PCYT1A: variants seen among roughly 807,000 people sequenced by gnomAD.
PCYT1A encodes the protein choline-phosphate cytidylyltransferase A.
PCYT1A carries 25 observed loss-of-function variants against 43.7 expected under a neutral mutation model. The ratio of observed to expected loss-of-function variants is 0.57; its 90% CI spans 0.42 to 0.80. PCYT1A has a LOEUF of 0.80. PCYT1A is among the 30% of genes least tolerant of loss of function. The probability of loss-of-function intolerance (pLI) is 0.00; values close to 1 mark genes in which losing one functional copy is unlikely to be tolerated. For missense variants in PCYT1A, 421 were observed against 474.2 expected, an observed-to-expected ratio of 0.89 and a Z score of 1.04; for synonymous variants, 172 against 170.7, an observed-to-expected ratio of 1.01 and a Z score of -0.06.
chr3:196,282,806 T>C lies in PCYT1A; in HGVS notation c.-11+4809A>G, dbSNP rs1560180244. Among the ~76,000 whole-genome samples the C allele has an allele frequency of 3.3e-5, 5 of 152,160 alleles. No homozygotes were observed. On this transcript the variant is annotated intron_variant, in intron 1 of 8. Transcript: ENST00000431016. The surrounding 1 kb of genome is among the most constrained non-coding windows in gnomAD (Gnocchi z 4.3). The stretch of plus-strand genomic sequence containing the variant: ...CACATTTAGGGTAATTTTCTGTATA[T>C]AAAAAAACTACCTGTTTTTTATTAA...
At chr3:196,272,263 C>T (rs137930880) in intron 1 of PCYT1A, among the ~76,000 whole-genome samples, 22 of 152,008 alleles carry the variant, frequency 1.4e-4, no homozygotes, top group African/African-American at 4.8e-4. Context: ...CGGCTCACTA[C>T]AACCTCCGCC....
chr3:196,254,334 T>C (rs1724891698), intron 3 of PCYT1A, among the ~76,000 whole-genome samples: 1 of 149,836 alleles, frequency 6.7e-6, no homozygotes, highest in African/African-American at 2.4e-5. Flanking sequence ...CCTATATATA[T>C]ATTTTTTTAA....
At chr3:196,271,167 G>T (rs1185581802) in intron 1 of PCYT1A, among the ~76,000 whole-genome samples, 1 of 151,128 alleles carries the variant, frequency 6.6e-6, no homozygotes, top group Non-Finnish European at 1.5e-5. Context: ...TGGGACTACA[G>T]GCACATGCCA....
At chr3:196,272,909 G>T (rs961277399) in intron 1 of PCYT1A, among the ~76,000 whole-genome samples, 2 of 152,214 alleles carry the variant, frequency 1.3e-5, no homozygotes, top group Non-Finnish European at 2.9e-5. Flanking sequence ...GCTCAGGCCC[G>T]CCGGGCTCGT....
chr3:196,244,059 T>G (rs1178905499), intron 5 of PCYT1A, among the ~76,000 whole-genome samples: 8 of 141,978 alleles, frequency 5.6e-5, no homozygotes, highest in Non-Finnish European at 7.6e-5. Context: ...GAGCGCCTCT[T>G]CCCGGCCGCC....
chr3:196,243,082 C>A (rs753235441), intron 5 of PCYT1A: 32 of 168,044 alleles, frequency 1.9e-4, no homozygotes, highest in Non-Finnish European at 3.6e-4. Context: ...AATCCCAGCA[C>A]TTTGGGAGGC....
chr3:196,242,022 C>T lies in PCYT1A; in HGVS notation c.634G>A (p.Asp212Asn). ...TSDIITRIVR[D>N]YDVYARRNLQ... ...TTCCGCCTCGCATACACATCATAAT[C>T]CCGCACAATTCGGGTGATGATGTCT... Residue 212 changes from aspartate (D) to asparagine (N), a missense_variant, in exon 7 of 9, where the codon GAT (aspartate) becomes AAT (asparagine). Transcript: ENST00000431016. The surrounding 1 kb of genome is among the most constrained non-coding windows in gnomAD (Gnocchi z 4.2). 1 of 1,614,144 alleles carries T rather than the reference C, an allele frequency of 6.2e-7. No homozygotes were observed. Among genetic ancestry groups the T allele is most frequent in the Non-Finnish European group, 8.5e-7 (1 of 1,180,008 alleles).
chr3:196,243,510 TTCTCCCC>T (rs1242901476), intron 5 of PCYT1A, among the ~76,000 whole-genome samples: 14 of 150,330 alleles, frequency 9.3e-5, no homozygotes, highest in African/African-American at 2.2e-4. Context: ...CCCCTCTCCC[TTCTCCCC>T]TCTCCCCTCT....
Position 196,264,777 on chromosome 3 carries a change from G to T in PCYT1A, c.117+5638C>A, listed in dbSNP as rs112482236. Among the ~76,000 whole-genome samples the T allele has an allele frequency of 9.9e-3, 1,502 of 152,090 alleles. 28 individuals carry two copies. Among genetic ancestry groups the T allele is most frequent in the African/African-American group, 0.034 (1,409 of 41,476 alleles). On this transcript the variant is annotated intron_variant, in intron 2 of 8. Transcript: ENST00000431016. ...TCCGTCTATTTGGCACTTTTCATAC[G>T]TATCATAATTTCATACTGTATCATA... is the stretch of plus-strand genomic sequence containing the variant.
At chr3:196,272,852 C>A (rs1458818313) in intron 1 of PCYT1A, among the ~76,000 whole-genome samples, 1 of 152,230 alleles carries the variant, frequency 6.6e-6, no homozygotes, top group African/African-American at 2.4e-5. Context: ...GGTGTCACTT[C>A]GCTAGCCAGA....
At position 196,247,301 on chromosome 3, in the gene PCYT1A, G is replaced by A. The variant is rs561486132; in HGVS notation, c.486+66C>T. ...CGGCTAGTGGAAAACCAGCCTACGT[G>A]CCAGCAGCTTTGAGAGTTGAGGGGA... is the stretch of plus-strand genomic sequence containing the variant. On this transcript the variant is annotated intron_variant, in intron 5 of 8. Transcript: ENST00000431016. The surrounding 1 kb of genome is among the most constrained non-coding windows in gnomAD (Gnocchi z 4.8). 4 of 1,548,684 alleles carry A rather than the reference G, an allele frequency of 2.6e-6. No individual in the cohort carries two copies. Among genetic ancestry groups the A allele is most frequent in the Non-Finnish European group, 3.5e-6 (4 of 1,127,018 alleles).
intron 2 of PCYT1A, among the ~76,000 whole-genome samples, chr3:196,259,937 T>TTA (rs1292451634): frequency 7.2e-6 from 1 of 139,120 alleles, no homozygotes; most frequent in Non-Finnish European, 1.5e-5. Flanking sequence ...TTTTTTTTTT[T>TTA]TTTGAGGCAA....
At chr3:196,240,335 A>G (rs1412411564) in intron 7 of PCYT1A, among the ~76,000 whole-genome samples, 1 of 152,206 alleles carries the variant, frequency 6.6e-6, no homozygotes, top group Non-Finnish European at 1.5e-5. Flanking sequence ...TTTGCTAAAG[A>G]TAAGGAAAAT....
chr3:196,263,638 T>C (rs1042697270), intron 2 of PCYT1A, among the ~76,000 whole-genome samples: 1 of 152,024 alleles, frequency 6.6e-6, no homozygotes, highest in African/African-American at 2.4e-5. Context: ...TGTTTTTTTG[T>C]TTTGTTTTGT....
At position 196,235,904 on chromosome 3, in the gene PCYT1A, C is replaced by T. The variant is rs570993653; in HGVS notation, c.*2784G>A. On this transcript the variant is annotated 3_prime_UTR_variant, in exon 9 of 9. Transcript: ENST00000431016. The surrounding 1 kb of genome is among the most constrained non-coding windows in gnomAD (Gnocchi z 4.3). Reference sequence around the variant, plus strand: ...CTTTCTCCATCTACCCGTGCTAGTCCAGCACCTCAGACCACATTTACCCCA... The same window carrying T: ...CTTTCTCCATCTACCCGTGCTAGTCTAGCACCTCAGACCACATTTACCCCA... The T allele has an allele frequency of 2.0e-5, 3 of 152,468 alleles. No individual in the cohort carries two copies. The highest frequency in any genetic ancestry group is 2.9e-5 in the Non-Finnish European group (2 of 68,124). The allele number at this position is 152,468 out of a possible 1,614,324, so 9.4% of individuals were successfully genotyped here.
chr3:196,241,426 A>T (rs185067618), intron 7 of PCYT1A: 2 of 920,912 alleles, frequency 2.2e-6, no homozygotes. Flanking sequence ...GGCCTCAAGC[A>T]GTCCTCCCGC....
Position 196,270,458 on chromosome 3 carries a change from G to C in PCYT1A, c.74C>G (p.Thr25Arg). The change falls in exon 2 of 9, where the codon ACA becomes AGA. Residue 25 changes from threonine (T) to arginine (R), a missense_variant. By Grantham distance (71) the Thr-to-Arg change is moderately conservative. Around this residue, in one of 3 missense-constraint regions of PCYT1A, gnomAD observed 139 missense variants for 117.7 expected, o/e 1.18. Coordinates refer to ENST00000431016, the MANE Select transcript of PCYT1A (RefSeq NM_001312673.2). ...TTTGGAAGGAACCCCATCTTCTTCT[G>C]TTGCCCCGTTGGGTCCGGGCGCCTC... Reference protein sequence around the residue: ...RKEAPGPNGATEEDGVPSKVQ... With the variant: ...RKEAPGPNGAREEDGVPSKVQ... 1 of 1,614,088 alleles carries C rather than the reference G, an allele frequency of 6.2e-7. No homozygotes were observed. Among genetic ancestry groups the C allele is most frequent in the Non-Finnish European group, 8.5e-7 (1 of 1,179,966 alleles).
chr3:196,273,725 G>A lies in PCYT1A; in HGVS notation c.-10-3184C>T, dbSNP rs1336465347. On this transcript the variant is annotated intron_variant, in intron 1 of 8. Transcript: ENST00000431016. This position sits in a 1 kb window ranked among gnomAD's most constrained non-coding sequence, Gnocchi z 4.1. ...GTCCAGGGTTTCTACGGGCTTCAGC[G>A]GGCAGGAAGTGCATGCTGATTGGTC... is the stretch of plus-strand genomic sequence containing the variant. Among the ~76,000 whole-genome samples the A allele has an allele frequency of 6.6e-6, 1 of 152,158 alleles. No individual in the cohort carries two copies. The highest frequency in any genetic ancestry group is 1.5e-5 in the Non-Finnish European group (1 of 68,026).
chr3:196,284,990 C>T (rs1383907059), intron 1 of PCYT1A, among the ~76,000 whole-genome samples: 1 of 152,168 alleles, frequency 6.6e-6, no homozygotes, highest in Non-Finnish European at 1.5e-5. Context: ...AAAAGGCTAT[C>T]CCCCACCATT....
Sources: allele counts gnomAD v4.1 joint callset (sites outside exome capture counted in the v4.1 genomes callset), GRCh38; gene constraint gnomAD v4.1.1; regional missense constraint gnomAD v4.1.1; non-coding constraint Gnocchi (gnomAD v3.1); transcripts MANE v1.5; gene names NCBI Gene and HGNC (gene_info 2026-07-23, HGNC 2026-07-21).